VTI1A: variants seen among roughly 807,000 people sequenced by gnomAD.
VTI1A encodes the protein vesicle transport through interaction with t-SNAREs 1A.
VTI1A carries 22 observed loss-of-function variants against 34.9 expected under a neutral mutation model. The ratio of observed to expected loss-of-function variants is 0.63; its 90% CI spans 0.45 to 0.90. The LOEUF (loss-of-function observed/expected upper bound fraction) is 0.90. Among genes scored for constraint, VTI1A ranks in the 40% least tolerant of loss-of-function variants. VTI1A has a pLI of 0.00. For synonymous variants in VTI1A, 87 were observed against 97.3 expected (o/e 0.89, Z 0.62); for missense variants, 268 against 275.6 (o/e 0.97, Z 0.20).
intron 7 of VTI1A, among the ~76,000 whole-genome samples, chr10:112,742,831 C>T (rs999576174): frequency 1.3e-5 from 2 of 151,968 alleles, no homozygotes; most frequent in Non-Finnish European, 2.9e-5. Flanking sequence ...GGGAGAGTTA[C>T]AAAAAGCTAT....
chr10:112,771,413 G>T (rs1278563965), intron 7 of VTI1A, among the ~76,000 whole-genome samples: 1 of 152,204 alleles, frequency 6.6e-6, no homozygotes, highest in Non-Finnish European at 1.5e-5. Flanking sequence ...CCCACATGAG[G>T]CCGACCATAG....
chr10:112,608,032 C>T (rs74158745), intron 5 of VTI1A, among the ~76,000 whole-genome samples: 1 of 152,124 alleles, frequency 6.6e-6, no homozygotes, highest in South Asian at 2.1e-4. Flanking sequence ...ATAGACCAAC[C>T]CTGATACAAC....
intron 5 of VTI1A, among the ~76,000 whole-genome samples, chr10:112,615,347 A>G (rs1280261866): frequency 1.3e-5 from 2 of 152,234 alleles, no homozygotes; most frequent in African/African-American, 4.8e-5. Context: ...GTATTTAGGA[A>G]TAGTTCTTTT....
chr10:112,553,363 C>G (rs1851432668), intron 5 of VTI1A, among the ~76,000 whole-genome samples: 1 of 152,188 alleles, frequency 6.6e-6, no homozygotes, highest in African/African-American at 2.4e-5. Context: ...AAAATCCTTG[C>G]AGATCTTCTA....
intron 3 of VTI1A, among the ~76,000 whole-genome samples, chr10:112,509,407 C>T (rs940036994): frequency 6.6e-6 from 1 of 151,718 alleles, no homozygotes; most frequent in Non-Finnish European, 1.5e-5. Flanking sequence ...AAAGTAGCCC[C>T]AAAACTCAAT....
intron 5 of VTI1A, among the ~76,000 whole-genome samples, chr10:112,633,838 T>C (rs1370334503): frequency 2.7e-5 from 4 of 150,532 alleles, no homozygotes; most frequent in Admixed American, 6.6e-5. Flanking sequence ...AATAGCATTA[T>C]CAAGTTGGCT....
intron 3 of VTI1A, among the ~76,000 whole-genome samples, chr10:112,504,058 G>A (rs60271506): frequency 0.011 from 1,697 of 152,208 alleles, 35 homozygotes; most frequent in African/African-American, 0.037. Context: ...AAATTTCCCC[G>A]TCATTTAAAC....
chr10:112,820,083 G>A (rs886844850), downstream of VTI1A, among the ~76,000 whole-genome samples: 1 of 152,198 alleles, frequency 6.6e-6, no homozygotes, highest in African/African-American at 2.4e-5. Flanking sequence ...GCAGGCACGA[G>A]CCAGGTGGGA....
intron 7 of VTI1A, among the ~76,000 whole-genome samples, chr10:112,683,359 T>C: frequency 6.6e-6 from 1 of 152,198 alleles, no homozygotes; most frequent in South Asian, 2.1e-4. Flanking sequence ...AACATGAAAG[T>C]GAACCTGAGT....
At chr10:112,784,774 C>A (rs1271633358) in intron 7 of VTI1A, among the ~76,000 whole-genome samples, 1 of 152,178 alleles carries the variant, frequency 6.6e-6, no homozygotes, top group African/African-American at 2.4e-5. Context: ...TGTTTTAAGG[C>A]ATTTCTCCAA....
Position 112,523,316 on chromosome 10 carries a change from G to A in VTI1A, c.265-3771G>A, listed in dbSNP as rs550521833. ...ATATACCAAGTAAAAATCGAAAATCGCCTTGAATCCGAAATTCTCGCATTC... is the reference window on the plus strand; with the variant it reads ...ATATACCAAGTAAAAATCGAAAATCACCTTGAATCCGAAATTCTCGCATTC... On this transcript the variant is annotated intron_variant, in intron 3 of 7. Coordinates refer to ENST00000393077, the MANE Select transcript of VTI1A (RefSeq NM_145206.4). Among the ~76,000 whole-genome samples, 6 of 152,118 alleles carry A rather than the reference G, an allele frequency of 3.9e-5. No individual in the cohort carries two copies. In the South Asian group the frequency reaches 6.2e-4, roughly 16 times the overall value.
chr10:112,830,548 CA>C, the VTI1A span, among the ~76,000 whole-genome samples: 2 of 151,244 alleles, frequency 1.3e-5, no homozygotes, highest in Non-Finnish European at 2.9e-5. Flanking sequence ...TTTTCCTTAT[CA>C]TAATACATAC....
chr10:112,814,357 C>T (rs921891973), intron 7 of VTI1A, among the ~76,000 whole-genome samples: 3 of 152,164 alleles, frequency 2.0e-5, no homozygotes, highest in African/African-American at 7.2e-5. Flanking sequence ...CCAGCCAGCT[C>T]ATGTCTCTAT....
chr10:112,697,807 C>T (rs1241734998), intron 7 of VTI1A, among the ~76,000 whole-genome samples: 1 of 150,846 alleles, frequency 6.6e-6, no homozygotes, highest in African/African-American at 2.4e-5. Context: ...TGTTCCATAA[C>T]AAGAAGATAA....
chr10:112,835,549 C>G, the VTI1A span, among the ~76,000 whole-genome samples: 1 of 152,132 alleles, frequency 6.6e-6, no homozygotes, highest in African/African-American at 2.4e-5. Context: ...TATTTTTAAA[C>G]TAATGCTATA....
intron 7 of VTI1A, among the ~76,000 whole-genome samples, chr10:112,752,943 G>A (rs985973091): frequency 1.3e-5 from 2 of 151,970 alleles, no homozygotes; most frequent in Non-Finnish European, 1.5e-5. Flanking sequence ...TGTGGACTCC[G>A]AAGCTACATT....
chr10:112,830,849 A>ATATATATATAT, the VTI1A span, among the ~76,000 whole-genome samples: 6 of 33,494 alleles, frequency 1.8e-4, no homozygotes, highest in South Asian at 1.6e-3. Context: ...ATATATATAT[A>ATATATATATAT]TTTTTTTTTT....
chr10:112,486,345 A>G (rs1244716373), intron 3 of VTI1A, among the ~76,000 whole-genome samples: 1 of 152,204 alleles, frequency 6.6e-6, no homozygotes, highest in Non-Finnish European at 1.5e-5. Flanking sequence ...GTAAAATGGA[A>G]ATAATGATAC....
intron 7 of VTI1A, among the ~76,000 whole-genome samples, chr10:112,755,407 A>G (rs1851250133): frequency 1.3e-5 from 2 of 152,198 alleles, no homozygotes; most frequent in African/African-American, 2.4e-5. Flanking sequence ...GGGCCACACT[A>G]TCCACCTTCA....
Sources: gnomAD v4.1 joint callset for allele counts (sites outside exome capture counted in the v4.1 genomes callset) on GRCh38, gnomAD v4.1.1 for gene constraint, MANE v1.5 for transcripts, NCBI Gene and HGNC (gene_info 2026-07-23, HGNC 2026-07-21) for gene names.